Variants in CGB7 observed in about 807,000 individuals in gnomAD.
The protein encoded by CGB7 is chorionic gonadotropin subunit beta 7.
Under a neutral mutation model 7.3 loss-of-function variants are expected in CGB7, and 6 were observed. The ratio of observed to expected loss-of-function variants is 0.82; its 90% confidence interval spans 0.45 to 1.62. The LOEUF (loss-of-function observed/expected upper bound fraction) is 1.62, where lower values mean the gene tolerates loss of function less well. Among genes scored for constraint, CGB7 ranks in the 40% most tolerant of loss-of-function variants. The probability of loss-of-function intolerance (pLI) is 0.01; values close to 1 mark genes in which losing one functional copy is unlikely to be tolerated. For missense variants in CGB7, 114 were observed against 236.2 expected (o/e 0.48, Z 3.39); for synonymous variants, 47 against 100.8 (o/e 0.47, Z 3.20).
At chr19:49,055,191 C>T in intron 3 of CGB7, 170 bp downstream of exon 3, 2 of 984,560 alleles carry the variant, frequency 2.0e-6, no homozygotes, top group Non-Finnish European at 2.4e-6. Flanking sequence ...ACCTGAGATG[C>T]CCCAACATTT....
Position 49,055,461 on chromosome 19 carries a change from T to C in CGB7, c.-86A>G. ...AGGCCACCAGGAGGTTGTAGGATGC[T>C]GGAGTGAGCTGGACACTAACCCTTC... On this transcript the variant is annotated 5_prime_UTR_variant, in exon 3 of 5. Coordinates refer to ENST00000684222, the MANE Select transcript of CGB7 (RefSeq NM_001385261.1). 1 of 1,608,366 alleles carries C rather than the reference T, an allele frequency of 6.2e-7. No individual in the cohort carries two copies. The highest frequency in any genetic ancestry group is 1.7e-5 in the Admixed American group (1 of 59,810).
At position 49,056,055 on chromosome 19, in the gene CGB7, C is replaced by T; in HGVS notation, c.-680G>A. On this transcript the variant is annotated 5_prime_UTR_variant, in exon 3 of 5. Coordinates refer to ENST00000684222, the MANE Select transcript of CGB7 (RefSeq NM_001385261.1). ...GAGGTGTGTCCTGCCCGCGGGGCCG[C>T]AGCCTCGGAGGACATTGTCTGGACT... 1 of 1,169,324 alleles carries T rather than the reference C, an allele frequency of 8.6e-7. No individual in the cohort carries two copies. Among genetic ancestry groups the T allele is most frequent in the Non-Finnish European group, 1.1e-6 (1 of 930,606 alleles). 72.4% of individuals were successfully genotyped at this position (1,169,324 alleles called of 1,614,324 possible). A position where few individuals can be genotyped will look rare whatever the true frequency, so the allele number is the denominator to read the frequency against.
At position 49,056,311 on chromosome 19, in the gene CGB7, G is replaced by T; in HGVS notation, c.-936C>A. On this transcript the variant is annotated 5_prime_UTR_variant, in exon 3 of 5. Coordinates refer to ENST00000684222, the MANE Select transcript of CGB7 (RefSeq NM_001385261.1). ...TACAGCGGCCTGAGCGGGAGTTCTC[G>T]GTGCTGTAGGCTTTCGGGACGCTGT... 3 of 1,293,476 alleles carry T rather than the reference G, an allele frequency of 2.3e-6. No homozygotes were observed. Among genetic ancestry groups the T allele is most frequent in the South Asian group, 1.2e-5 (1 of 81,852 alleles). 80.1% of individuals were successfully genotyped at this position (1,293,476 alleles called of 1,614,324 possible). A position where few individuals can be genotyped will look rare whatever the true frequency, so the allele number is the denominator to read the frequency against.
Position 49,055,840 on chromosome 19 carries a change from G to A in CGB7, c.-465C>T. 9.2e-7 allele frequency: 1 copy of A among 1,086,982 alleles called. No individual in the cohort carries two copies. The highest frequency in any genetic ancestry group is 1.1e-6 in the Non-Finnish European group (1 of 888,404). The allele number at this position is 1,086,982 out of a possible 1,614,324, so 67.3% of individuals were successfully genotyped here. A position where few individuals can be genotyped will look rare whatever the true frequency, so the allele number is the denominator to read the frequency against. On this transcript the variant is annotated 5_prime_UTR_variant, in exon 3 of 5. Transcript: ENST00000684222. ...GACTTAGCTTCTGCCCAGTGAGAGA[G>A]GGTCTCCCCGTGACTGTGCTGCCAG...
Position 49,057,660 on chromosome 19 carries a change from C to T in CGB7, c.-1547G>A. The T allele has an allele frequency of 8.2e-7, 1 of 1,221,830 alleles. No homozygotes were observed. The highest frequency in any genetic ancestry group is 2.1e-5 in the South Asian group (1 of 48,262). The allele number at this position is 1,221,830 out of a possible 1,614,324, so 75.7% of individuals were successfully genotyped here. A position where few individuals can be genotyped will look rare whatever the true frequency, so the allele number is the denominator to read the frequency against. On this transcript the variant is annotated 5_prime_UTR_variant, in exon 1 of 5. Coordinates refer to ENST00000684222, the MANE Select transcript of CGB7 (RefSeq NM_001385261.1). Reference sequence around the variant, plus strand: ...CGTCTCAGAATATTCTAGTCTCCTCCCCACCCACAGCCCGCCGTCTAGCTC... The same window carrying T: ...CGTCTCAGAATATTCTAGTCTCCTCTCCACCCACAGCCCGCCGTCTAGCTC...
chr19:49,057,173 G>A lies in CGB7; in HGVS notation c.-1273C>T. On this transcript the variant is annotated 5_prime_UTR_variant, in exon 2 of 5. Coordinates refer to ENST00000684222, the MANE Select transcript of CGB7 (RefSeq NM_001385261.1). Reference sequence around the variant, plus strand: ...GAGGTGGTCAGATAGAGCTGGCGGCGGTTCAGGACGCCCCGGTCGGATACT... The same window carrying A: ...GAGGTGGTCAGATAGAGCTGGCGGCAGTTCAGGACGCCCCGGTCGGATACT... 4.6e-6 allele frequency: 7 copies of A among 1,534,468 alleles called. No homozygotes were observed. The highest frequency in any genetic ancestry group is 1.2e-5 in the South Asian group (1 of 84,010).
In CGB7 at chr19:49,055,490, G is replaced by T; in HGVS notation, c.-115C>A. ...GTGAGCTGGACACTAACCCTTCGGG[G>T]GGCGAGAAGTAGACAAGGCCAGGGA... On this transcript the variant is annotated 5_prime_UTR_variant, in exon 3 of 5. Coordinates refer to ENST00000684222, the MANE Select transcript of CGB7 (RefSeq NM_001385261.1). 1 of 1,604,514 alleles carries T rather than the reference G, an allele frequency of 6.2e-7. No homozygotes were observed. The highest frequency in any genetic ancestry group is 8.5e-7 in the Non-Finnish European group (1 of 1,173,942).
rs1284193793 is a variant in CGB7 at position 49,056,586 on chromosome 19, C to A, written c.-1211G>T. ...GGTAGTCCTTGCGGGGGTATCCGGA[C>A]GGCTCCGTCCTGTGGGAGCAGGGCG... On this transcript the variant is annotated 5_prime_UTR_variant, in exon 3 of 5. Transcript: ENST00000684222. The A allele has an allele frequency of 2.3e-6, 3 of 1,286,752 alleles. No homozygotes were observed. The Admixed American group carries it at 7.0e-5, about 30-fold the overall frequency. The allele number at this position is 1,286,752 out of a possible 1,614,324, so 79.7% of individuals were successfully genotyped here. A position where few individuals can be genotyped will look rare whatever the true frequency, so the allele number is the denominator to read the frequency against.
At chr19:49,054,681 C>T (rs565341994) in intron 4 of CGB7, 76 bp from the exon 5 acceptor site, 8 of 1,103,272 alleles carry the variant, frequency 7.3e-6, no homozygotes, top group Non-Finnish European at 8.8e-6. Flanking sequence ...GCTGCCCCCA[C>T]AGGTCTCAGA....
chr19:49,055,009 C>A lies in CGB7; in HGVS notation c.16-1G>T. The stretch of plus-strand genomic sequence containing the variant: ...TCAGCAGCAGCAACAGCAGCAGCCC[C>A]TGGGACAAGGACACTGCTTCACCCG... On this transcript the variant is annotated splice_acceptor_variant, in intron 3 of 4. Transcript: ENST00000684222. LOFTEE classifies it high-confidence loss of function. 1 of 1,601,970 alleles carries A rather than the reference C, an allele frequency of 6.2e-7. No homozygotes were observed. The highest frequency in any genetic ancestry group is 8.5e-7 in the Non-Finnish European group (1 of 1,179,564).
rs770948163 is a variant in CGB7, at chr19:49,054,933, G to T, written c.91C>A (p.Pro31Thr). The stretch of plus-strand genomic sequence containing the variant: ...TCCACAGCCAGGGTGGCATTGATGG[G>T]GCGGCACCGTGGCCGAAGCATCTCC... The part of the protein sequence containing the change: ...SREMLRPRCR[P>T]INATLAVEKE... The change falls in exon 4 of 5, where the codon CCC becomes ACC. Residue 31 changes from proline to threonine, a missense_variant. By Grantham distance (38) the Pro-to-Thr change is conservative (BLOSUM62 -1). Around this residue, in one of 3 missense-constraint regions of CGB7, gnomAD observed 58 missense variants for 91.7 expected, o/e 0.63. Transcript: ENST00000684222. 1.7e-5 allele frequency: 27 copies of T among 1,576,452 alleles called. 1 individual carries two copies. In the South Asian group the frequency reaches 3.0e-4, roughly 18 times the overall value.
Position 49,057,231 on chromosome 19 carries a change from C to G in CGB7, c.-1331G>C. On this transcript the variant is annotated 5_prime_UTR_variant, in exon 2 of 5. Transcript: ENST00000684222. ...GTGGGCCAGACAGCGCGGGGTTCTT[C>G]GTGCAGGCGATTAGAGCCTGAGCAA... 1.3e-6 allele frequency: 2 copies of G among 1,533,742 alleles called. No individual in the cohort carries two copies. The highest frequency in any genetic ancestry group is 1.7e-6 in the Non-Finnish European group (2 of 1,146,112).
Position 49,054,533 on chromosome 19 carries a change from ACTCGAAGCGCACATCG to A in CGB7, c.240_255del (p.Asp81ProfsTer11). On this transcript the variant is annotated frameshift_variant, in exon 5 of 5. Transcript: ENST00000684222. LOFTEE classifies it low-confidence loss of function (END_TRUNC). ...CGCGGGCAGCCAGGGAGCCGGATGG[ACTCGAAGCGCACATCG>A]CGGTAGTTGCACACCACCTGAGGCA... 1 of 1,407,558 alleles carries A rather than the reference ACTCGAAGCGCACATCG, an allele frequency of 7.1e-7. No homozygotes were observed. The highest frequency in any genetic ancestry group is 9.8e-7 in the Non-Finnish European group (1 of 1,024,618). 87.2% of individuals were successfully genotyped at this position (1,407,558 alleles called of 1,614,324 possible).
At position 49,054,397 on chromosome 19, in the gene CGB7, T is replaced by C; in HGVS notation, c.392A>G (p.Asp131Gly). ...GGPKDHPLTC[D>G]DPRFQASSSS... ...AGAGGAGGCCTGGAAGCGGGGGTCA[T>C]CACAGGTCAAGGGGTGGTCCTTGGG... is the stretch of plus-strand genomic sequence containing the variant. Residue 131 changes from aspartate to glycine, a missense_variant, in exon 5 of 5, where the codon GAT (aspartate) becomes GGT (glycine). Coordinates refer to ENST00000684222, the MANE Select transcript of CGB7 (RefSeq NM_001385261.1). The C allele has an allele frequency of 6.2e-7, 1 of 1,606,740 alleles. No homozygotes were observed.
chr19:49,056,163 A>T lies in CGB7; in HGVS notation c.-788T>A. On this transcript the variant is annotated 5_prime_UTR_variant, in exon 3 of 5. Transcript: ENST00000684222. ...CCCCACACTGCGGATAGACTTAATG[A>T]GTGCGAGCCCACCTAGGTCCGACAC... The T allele has an allele frequency of 8.1e-7, 1 of 1,241,750 alleles. No individual in the cohort carries two copies. The highest frequency in any genetic ancestry group is 1.3e-5 in the South Asian group (1 of 76,430). 76.9% of individuals were successfully genotyped at this position (1,241,750 alleles called of 1,614,324 possible).
Position 49,057,157 on chromosome 19 carries a change from A to G in CGB7, c.-1257T>C. 6.5e-7 allele frequency: 1 copy of G among 1,534,368 alleles called. No individual in the cohort carries two copies. The highest frequency in any genetic ancestry group is 1.9e-4 in the Middle Eastern group (1 of 5,156). On this transcript the variant is annotated 5_prime_UTR_variant, in exon 2 of 5. Transcript: ENST00000684222. ...CCGAAAGTCCCGCGCCGAGGTGGTC[A>G]GATAGAGCTGGCGGCGGTTCAGGAC...
chr19:49,056,332 G>T lies in CGB7; in HGVS notation c.-957C>A, dbSNP rs1427021907. On this transcript the variant is annotated 5_prime_UTR_variant, in exon 3 of 5. Transcript: ENST00000684222. ...TCTCGGTGCTGTAGGCTTTCGGGAC[G>T]CTGTGTATGCCCGGCAGGGGCTTCC... is the stretch of plus-strand genomic sequence containing the variant. 7 of 1,294,752 alleles carry T rather than the reference G, an allele frequency of 5.4e-6. No individual in the cohort carries two copies. In the Admixed American group the frequency reaches 6.9e-5, roughly 13 times the overall value. 80.2% of individuals were successfully genotyped at this position (1,294,752 alleles called of 1,614,324 possible). A position where few individuals can be genotyped will look rare whatever the true frequency, so the allele number is the denominator to read the frequency against.
rs778207715 is a variant in CGB7 at position 49,054,285 on chromosome 19, A to C, written c.*6T>G. On this transcript the variant is annotated 3_prime_UTR_variant, in exon 5 of 5. Coordinates refer to ENST00000684222, the MANE Select transcript of CGB7 (RefSeq NM_001385261.1). ...AGACACCGCCAGAGTGCGGATTGAG[A>C]AGCCTTTATTGTGGGAGGATCGGGG... 128 of 1,605,562 alleles carry C rather than the reference A, an allele frequency of 8.0e-5. No homozygotes were observed. Among genetic ancestry groups the C allele is most frequent in the Non-Finnish European group, 1.1e-4 (124 of 1,176,498 alleles).
rs991899593 is a variant in CGB7, at chr19:49,057,633, C to T, written c.-1520G>A. 3.4e-6 allele frequency: 4 copies of T among 1,185,686 alleles called. No homozygotes were observed. Among genetic ancestry groups the T allele is most frequent in the Non-Finnish European group, 4.2e-6 (4 of 953,082 alleles). 73.4% of individuals were successfully genotyped at this position (1,185,686 alleles called of 1,614,324 possible). On this transcript the variant is annotated 5_prime_UTR_variant, in exon 1 of 5. Transcript: ENST00000684222. Reference sequence around the variant, plus strand: ...TTACCTCTCCTAACTCCCACCCTACCACGTCTCAGAATATTCTAGTCTCCT... The same window carrying T: ...TTACCTCTCCTAACTCCCACCCTACTACGTCTCAGAATATTCTAGTCTCCT...
Sources: allele counts gnomAD v4.1 joint callset, GRCh38; gene constraint gnomAD v4.1.1; regional missense constraint gnomAD v4.1.1; transcripts MANE v1.5; gene names NCBI Gene and HGNC (gene_info 2026-07-23, HGNC 2026-07-21).